The following BRSK2 variants were observed in gnomAD, a reference collection of about 807,000 sequenced individuals.
BRSK2 encodes serine/threonine-protein kinase BRSK2.
A neutral mutation model predicts 83.3 loss-of-function variants in BRSK2; 19 were observed. The observed-to-expected ratio is 0.23, with a 90% CI of 0.16 to 0.33. BRSK2 has a LOEUF of 0.33. Ranked by LOEUF, BRSK2 falls within the 10% of genes least tolerant of loss-of-function variation. BRSK2 has a pLI of 1.00. For missense variants in BRSK2, 798 were observed against 1,042.3 expected, an observed-to-expected ratio of 0.77 and a Z score of 3.23; for synonymous variants, 519 against 435.4, an observed-to-expected ratio of 1.19 and a Z score of -2.39.
intron 1 of BRSK2, among the ~76,000 whole-genome samples, chr11:1,425,629 C>T (rs560671443): frequency 7.2e-5 from 11 of 152,290 alleles, no homozygotes; most frequent in South Asian, 4.1e-4. Context: ...CTACAGGGGA[C>T]GCATTCAGCA....
intron 15 of BRSK2, 103 bp downstream of exon 15, chr11:1,451,522 C>A: frequency 1.6e-6 from 2 of 1,232,274 alleles, no homozygotes; most frequent in Non-Finnish European, 1.2e-6. Flanking sequence ...TCCTTCTCCA[C>A]GTGGCCCCAC....
intron 1 of BRSK2, among the ~76,000 whole-genome samples, chr11:1,412,880 C>T (rs955553310): frequency 1.3e-5 from 2 of 152,166 alleles, no homozygotes; most frequent in Non-Finnish European, 1.5e-5. Context: ...GGTCTCTGGC[C>T]CAGGGCACAG....
chr11:1,445,153 CAG>C lies in BRSK2; in HGVS notation c.813-140_813-139del, dbSNP rs2133117038. 5 of 1,455,908 alleles carry C rather than the reference CAG, an allele frequency of 3.4e-6. No individual in the cohort carries two copies. The South Asian group carries it at 6.1e-5, about 18-fold the overall frequency. 90.2% of individuals were successfully genotyped at this position (1,455,908 alleles called of 1,614,324 possible). A position where few individuals can be genotyped will look rare whatever the true frequency, so the allele number is the denominator to read the frequency against. On this transcript the variant is annotated intron_variant, in intron 9 of 19. Coordinates refer to ENST00000528841, the MANE Select transcript of BRSK2 (RefSeq NM_001256627.2). ...GCCTGCGCTGGGTGCGGGGTGCGGGCAGGACGCAGGAGGCCTCCCCGGGCTGG... is the reference window on the plus strand; with the variant it reads ...GCCTGCGCTGGGTGCGGGGTGCGGGCGACGCAGGAGGCCTCCCCGGGCTGG...
intron 19 of BRSK2, 92 bp from the exon 20 acceptor site, chr11:1,460,406 CTT>C (rs1847284078): frequency 6.6e-6 from 6 of 906,024 alleles, no homozygotes; most frequent in Non-Finnish European, 9.0e-6. Context: ...TGTTTGTTCT[CTT>C]TCTCTCTCCT....
intron 3 of BRSK2, among the ~76,000 whole-genome samples, chr11:1,439,082 C>T (rs1160148190): frequency 2.0e-5 from 3 of 152,192 alleles, no homozygotes; most frequent in Non-Finnish European, 2.9e-5. Flanking sequence ...ATCTGACCCT[C>T]GCTGGTCCCA....
intron 1 of BRSK2, among the ~76,000 whole-genome samples, chr11:1,434,871 C>T (rs1476462220): frequency 2.0e-5 from 3 of 152,056 alleles, no homozygotes; most frequent in African/African-American, 7.3e-5. Context: ...GTTGTGGGCT[C>T]CTGGGGGCAT....
intron 8 of BRSK2, among the ~76,000 whole-genome samples, chr11:1,444,614 A>G (rs1261633844): frequency 1.3e-5 from 2 of 151,970 alleles, no homozygotes; most frequent in African/African-American, 4.8e-5. Context: ...CCCAGGCAGC[A>G]CAGGCACCTG....
At chr11:1,407,826 C>T in intron 1 of BRSK2, among the ~76,000 whole-genome samples, 1 of 152,238 alleles carries the variant, frequency 6.6e-6, no homozygotes, top group Non-Finnish European at 1.5e-5. Flanking sequence ...AGGGCTTTCC[C>T]AGAGTGTGGG....
chr11:1,460,668 C>T lies in BRSK2; in HGVS notation c.2156C>T (p.Thr719Met), dbSNP rs556602754. The T allele has an allele frequency of 1.9e-4, 286 of 1,524,506 alleles. 1 individual carries two copies. The East Asian group carries it at 5.6e-3, about 30-fold the overall frequency. 94.4% of individuals were successfully genotyped at this position (1,524,506 alleles called of 1,614,324 possible). A position where few individuals can be genotyped will look rare whatever the true frequency, so the allele number is the denominator to read the frequency against. ...CCCGGAGGGGACGCCGAGTACCCAA[C>T]GGGCAAGGACACGGCCAAGATGGGC... is the stretch of plus-strand genomic sequence containing the variant. ...PGPGGDAEYP[T>M]GKDTAKMGPP... The change falls in exon 20 of 20, where the codon ACG becomes ATG. Residue 719 changes from threonine to methionine, a missense_variant. Physicochemically the swap from Thr to Met is moderately conservative, Grantham distance 81. This residue lies in a region of BRSK2 where 455 missense variants were observed against 455.2 expected (regional missense o/e 1.00). Coordinates refer to ENST00000528841, the MANE Select transcript of BRSK2 (RefSeq NM_001256627.2).
chr11:1,460,853 A>C lies in BRSK2; in HGVS notation c.*130A>C. 6.4e-7 allele frequency: 1 copy of C among 1,554,742 alleles called. No individual in the cohort carries two copies. Among genetic ancestry groups the C allele is most frequent in the Non-Finnish European group, 8.7e-7 (1 of 1,152,840 alleles). ...GACTGTTCTCAGAGCCTGGGAGGAA[A>C]GGAAAGGGGCGTTGGGGCCGGCCTG... is the stretch of plus-strand genomic sequence containing the variant. On this transcript the variant is annotated 3_prime_UTR_variant, in exon 20 of 20. Transcript: ENST00000528841.
At position 1,461,348 on chromosome 11, in the gene BRSK2, T is replaced by C; in HGVS notation, c.*625T>C. ...CTCGCAGGCCCGTGCCCCGCCTCCC[T>C]GGCTGCGCCGCCTCCGTGTAGTCTT... On this transcript the variant is annotated 3_prime_UTR_variant, in exon 20 of 20. Transcript: ENST00000528841. 1 of 332,914 alleles carries C rather than the reference T, an allele frequency of 3.0e-6. No individual in the cohort carries two copies. The highest frequency in any genetic ancestry group is 5.5e-6 in the Non-Finnish European group (1 of 181,306). 20.6% of individuals were successfully genotyped at this position (332,914 alleles called of 1,614,324 possible).
At chr11:1,415,919 T>G (rs1363786068) in intron 1 of BRSK2, among the ~76,000 whole-genome samples, 1 of 152,242 alleles carries the variant, frequency 6.6e-6, no homozygotes, top group Admixed American at 6.5e-5. Flanking sequence ...GGCAGGTGAG[T>G]GCCCCTGGCA....
intron 1 of BRSK2, among the ~76,000 whole-genome samples, chr11:1,422,287 T>G (rs1848709598): frequency 6.6e-6 from 1 of 152,158 alleles, no homozygotes; most frequent in Non-Finnish European, 1.5e-5. Context: ...ACCCTGTGTG[T>G]GCAGAGTCCC....
intron 1 of BRSK2, among the ~76,000 whole-genome samples, chr11:1,416,028 C>T (rs1021876000): frequency 1.3e-5 from 2 of 152,262 alleles, no homozygotes; most frequent in African/African-American, 4.8e-5. Flanking sequence ...GAACCAAGTT[C>T]ATTAGTGCTC....
intron 2 of BRSK2, 50 bp downstream of exon 2, chr11:1,436,184 G>GGGGGC: frequency 5.0e-6 from 1 of 201,442 alleles, no homozygotes; most frequent in Non-Finnish European, 1.0e-5. Flanking sequence ...GTGGGGCGGG[G>GGGGGC]AATAGCACAG....
chr11:1,447,844 C>T (rs1852361772), intron 12 of BRSK2: 9 of 1,597,124 alleles, frequency 5.6e-6, no homozygotes, highest in East Asian at 2.2e-5. Context: ...GGCCCATCCC[C>T]AATTCAGCAA....
At chr11:1,402,931 CG>C (rs1032456389) in intron 1 of BRSK2, among the ~76,000 whole-genome samples, 3 of 152,108 alleles carry the variant, frequency 2.0e-5, no homozygotes, top group African/African-American at 7.2e-5. Flanking sequence ...CCCAAATCCC[CG>C]GGGATTTGTG....
Position 1,454,208 on chromosome 11 carries a change from T to G in BRSK2, c.1545-277T>G. The G allele has an allele frequency of 4.1e-6, 1 of 246,198 alleles. No homozygotes were observed. Among genetic ancestry groups the G allele is most frequent in the Non-Finnish European group, 7.1e-6 (1 of 140,864 alleles). 15.3% of individuals were successfully genotyped at this position (246,198 alleles called of 1,614,324 possible). ...ACCTGTGGAGGGGCATCCCCAGACT[T>G]GGGAGTGGGTGGCATATGGGCCAGG... is the stretch of plus-strand genomic sequence containing the variant. On this transcript the variant is annotated intron_variant, in intron 15 of 19. Transcript: ENST00000528841. The surrounding 1 kb of genome is among the most constrained non-coding windows in gnomAD (Gnocchi z 5.2).
rs1481225967 is a variant in BRSK2 at position 1,423,855 on chromosome 11, C to T, written c.92-12185C>T. Among the ~76,000 whole-genome samples the T allele has an allele frequency of 6.6e-6, 1 of 152,002 alleles. No homozygotes were observed. The highest frequency in any genetic ancestry group is 1.9e-4 in the East Asian group (1 of 5,156). The stretch of plus-strand genomic sequence containing the variant: ...CTCCCCCGCTGAGTGTTCCCGGTGC[C>T]CCTGGGCCTGCAGAAGTGCTCCCCC... On this transcript the variant is annotated intron_variant, in intron 1 of 19. Coordinates refer to ENST00000528841, the MANE Select transcript of BRSK2 (RefSeq NM_001256627.2). The surrounding 1 kb of genome is among the most constrained non-coding windows in gnomAD (Gnocchi z 6.5).
Sources: allele counts gnomAD v4.1 joint callset (sites outside exome capture counted in the v4.1 genomes callset), GRCh38; gene constraint gnomAD v4.1.1; regional missense constraint gnomAD v4.1.1; non-coding constraint Gnocchi (gnomAD v3.1); transcripts MANE v1.5; gene names NCBI Gene and HGNC (gene_info 2026-07-23, HGNC 2026-07-21).